Variants in GPC5 observed in about 807,000 individuals in gnomAD.
GPC5 encodes glypican-5.
Under a neutral mutation model 53.9 loss-of-function variants are expected in GPC5, and 47 were observed. That is an observed-to-expected ratio of 0.87 (90% CI 0.69 to 1.11). The LOEUF (loss-of-function observed/expected upper bound fraction) is 1.11, where lower values mean the gene tolerates loss of function less well. Among genes scored for constraint, GPC5 ranks in the 50% most tolerant of loss-of-function variants. GPC5 has a pLI of 0.00. For missense variants in GPC5, 748 were observed against 713.1 expected (o/e 1.05, Z -0.56); for synonymous variants, 286 against 263.3 (o/e 1.09, Z -0.84).
At chr13:92,213,586 C>G (rs977483355) in intron 7 of GPC5, among the ~76,000 whole-genome samples, 1 of 152,248 alleles carries the variant, frequency 6.6e-6, no homozygotes, top group South Asian at 2.1e-4. Flanking sequence ...ATTATGTAAA[C>G]TAACATTTAT....
intron 7 of GPC5, among the ~76,000 whole-genome samples, chr13:92,496,410 A>G (rs1170440770): frequency 1.3e-5 from 2 of 152,230 alleles, no homozygotes; most frequent in Admixed American, 1.3e-4. Context: ...AAAGATTGAC[A>G]AATACACAGT....
intron 7 of GPC5, among the ~76,000 whole-genome samples, chr13:92,373,612 C>T (rs997096423): frequency 2.0e-5 from 3 of 152,154 alleles, no homozygotes; most frequent in African/African-American, 7.2e-5. Flanking sequence ...GATTATAAAT[C>T]GCTGTCTACC....
intron 7 of GPC5, among the ~76,000 whole-genome samples, chr13:92,464,629 T>A (rs1046447830): frequency 6.6e-6 from 1 of 152,066 alleles, no homozygotes; most frequent in African/African-American, 2.4e-5. Flanking sequence ...CTGCATGGTA[T>A]AAAATTTATT....
intron 5 of GPC5, among the ~76,000 whole-genome samples, chr13:91,769,681 G>A (rs143212199): frequency 2.8e-4 from 42 of 152,322 alleles, no homozygotes; most frequent in African/African-American, 1.0e-3. Context: ...GCTTGGGCAA[G>A]TGTCAGGTCA....
chr13:92,553,934 A>G (rs533138720), intron 7 of GPC5, among the ~76,000 whole-genome samples: 4 of 152,098 alleles, frequency 2.6e-5, no homozygotes, highest in Non-Finnish European at 4.4e-5. Flanking sequence ...TCATTTGACA[A>G]CATGACTGAT....
intron 7 of GPC5, among the ~76,000 whole-genome samples, chr13:92,758,438 C>T (rs1048440332): frequency 2.0e-5 from 3 of 151,530 alleles, no homozygotes; most frequent in Non-Finnish European, 4.4e-5. Context: ...AACTAACCTG[C>T]ACAATGTGCA....
intron 7 of GPC5, among the ~76,000 whole-genome samples, chr13:92,440,997 G>A (rs1457639841): frequency 3.3e-5 from 5 of 152,128 alleles, no homozygotes; most frequent in Non-Finnish European, 7.4e-5. Context: ...CTGTAATTCT[G>A]TAGGTTGTCT....
intron 7 of GPC5, among the ~76,000 whole-genome samples, chr13:92,502,423 G>A (rs1159697372): frequency 6.6e-6 from 1 of 151,758 alleles, no homozygotes; most frequent in African/African-American, 2.4e-5. Flanking sequence ...AAAATACAAA[G>A]ATTGTCAGAA....
chr13:91,400,801 C>G (rs1381114337), intron 1 of GPC5, among the ~76,000 whole-genome samples: 2 of 152,158 alleles, frequency 1.3e-5, no homozygotes. Context: ...GTGTTCATCT[C>G]TTTTAAAGAT....
At chr13:92,581,028 A>G (rs543802253) in intron 7 of GPC5, among the ~76,000 whole-genome samples, 1 of 152,268 alleles carries the variant, frequency 6.6e-6, no homozygotes, top group South Asian at 2.1e-4. Flanking sequence ...ATTAAATCAA[A>G]CCATATAACA....
intron 7 of GPC5, among the ~76,000 whole-genome samples, chr13:92,503,460 T>C (rs1399792447): frequency 6.6e-6 from 1 of 151,384 alleles, no homozygotes; most frequent in Non-Finnish European, 1.5e-5. Context: ...TTGACATGAA[T>C]AAGCTTGGAT....
chr13:91,566,294 G>A (rs771678397), intron 2 of GPC5, among the ~76,000 whole-genome samples: 7 of 152,040 alleles, frequency 4.6e-5, no homozygotes, highest in Non-Finnish European at 8.8e-5. Context: ...GGCCGGGCGC[G>A]GTGGCTTATG....
At chr13:92,334,464 C>G (rs1042344311) in intron 7 of GPC5, among the ~76,000 whole-genome samples, 1 of 152,128 alleles carries the variant, frequency 6.6e-6, no homozygotes, top group African/African-American at 2.4e-5. Flanking sequence ...CAGAGCCAAA[C>G]CATATCATTC....
chr13:92,144,151 C>T (rs1272339648), intron 6 of GPC5, among the ~76,000 whole-genome samples: 1 of 152,050 alleles, frequency 6.6e-6, no homozygotes, highest in East Asian at 1.9e-4. Context: ...AACTCCTGTG[C>T]TGTAGGGGAA....
In GPC5 at chr13:92,462,435, T is replaced by A. The variant is rs186815405; in HGVS notation, c.1561+317446T>A. ...AAGCATCCAGGTGAGTCCCACGTTT[T>A]GGCTTGAGTGACTGGAATGATGGAC... On this transcript the variant is annotated intron_variant, in intron 7 of 7. Transcript: ENST00000377067. Among the ~76,000 whole-genome samples the A allele has an allele frequency of 1.8e-4, 27 of 152,288 alleles. No individual in the cohort carries two copies. The East Asian group carries it at 5.0e-3, about 28-fold the overall frequency.
At chr13:92,553,177 T>A (rs1330787332) in intron 7 of GPC5, among the ~76,000 whole-genome samples, 1 of 151,950 alleles carries the variant, frequency 6.6e-6, no homozygotes, top group Non-Finnish European at 1.5e-5. Context: ...AATACAACCT[T>A]CAGAAAACTT....
intron 7 of GPC5, among the ~76,000 whole-genome samples, chr13:92,217,781 G>C (rs966909241): frequency 6.6e-6 from 1 of 151,922 alleles, no homozygotes; most frequent in Non-Finnish European, 1.5e-5. Context: ...GACTTGACTA[G>C]CTTCTGTTTC....
chr13:92,338,717 G>A (rs561298932), intron 7 of GPC5, among the ~76,000 whole-genome samples: 33 of 152,074 alleles, frequency 2.2e-4, no homozygotes, highest in African/African-American at 7.5e-4. Flanking sequence ...AAAACAATCA[G>A]TGGTTGCTAG....
chr13:91,566,431 G>A (rs1422413904), intron 2 of GPC5, among the ~76,000 whole-genome samples: 1 of 152,120 alleles, frequency 6.6e-6, no homozygotes, highest in Non-Finnish European at 1.5e-5. Context: ...GGGCGTGGTG[G>A]TGCACGCCAG....
Sources: gnomAD v4.1 joint callset for allele counts (sites outside exome capture counted in the v4.1 genomes callset) on GRCh38, gnomAD v4.1.1 for gene constraint, MANE v1.5 for transcripts, NCBI Gene and HGNC (gene_info 2026-07-23, HGNC 2026-07-21) for gene names.